PLCB4: variants seen among roughly 807,000 people sequenced by gnomAD.
PLCB4 encodes phospholipase C beta 4.
A neutral mutation model predicts 178.8 loss-of-function variants in PLCB4; 77 were observed. The ratio of observed to expected loss-of-function variants is 0.43; its 90% CI spans 0.36 to 0.52. The LOEUF (loss-of-function observed/expected upper bound fraction) is 0.52. PLCB4 is among the 20% of genes least tolerant of loss of function. PLCB4 has a pLI of 0.00. For missense variants in PLCB4, 1,024 were observed against 1,453.4 expected, an observed-to-expected ratio of 0.70 and a Z score of 4.80; for synonymous variants, 496 against 490.8, an observed-to-expected ratio of 1.01 and a Z score of -0.14.
At chr20:9,315,902 C>G (rs1282323023) in intron 4 of PLCB4, among the ~76,000 whole-genome samples, 1 of 151,778 alleles carries the variant, frequency 6.6e-6, no homozygotes, top group South Asian at 2.1e-4. Context: ...CACTACACTC[C>G]AGCACTCCAG....
At chr20:9,328,888 G>T (rs1254412045) in intron 4 of PLCB4, among the ~76,000 whole-genome samples, 2 of 152,182 alleles carry the variant, frequency 1.3e-5, no homozygotes, top group Non-Finnish European at 2.9e-5. Context: ...CACAGAAAGG[G>T]CTCCTGGAGA....
chr20:9,290,436 A>G (rs1601637109), intron 3 of PLCB4, among the ~76,000 whole-genome samples: 1 of 152,280 alleles, frequency 6.6e-6, no homozygotes, highest in East Asian at 1.9e-4. Flanking sequence ...GACCTTTGAT[A>G]TCCTTTCTAT....
intron 32 of PLCB4, among the ~76,000 whole-genome samples, chr20:9,446,503 G>A (rs2042422213): frequency 6.6e-6 from 1 of 152,182 alleles, no homozygotes; most frequent in Admixed American, 6.5e-5. Flanking sequence ...GAGCCATCAT[G>A]CCCGGCCCAA....
chr20:9,356,562 G>A (rs554172443), intron 7 of PLCB4, among the ~76,000 whole-genome samples: 5 of 152,256 alleles, frequency 3.3e-5, no homozygotes, highest in African/African-American at 9.6e-5. Context: ...TTCTATCTTA[G>A]ACAAGATTAG....
chr20:9,339,076 T>C (rs1252259035), intron 7 of PLCB4, 39 bp downstream of exon 7: 6 of 1,519,608 alleles, frequency 3.9e-6, no homozygotes, highest in East Asian at 2.3e-5. Context: ...TTCCCCACCA[T>C]GTATATATGT....
intron 2 of PLCB4, among the ~76,000 whole-genome samples, chr20:9,202,717 C>T (rs372205477): frequency 3.3e-5 from 5 of 152,052 alleles, no homozygotes; most frequent in African/African-American, 1.2e-4. Flanking sequence ...CCTGCAACTT[C>T]GAATTTGTAG....
chr20:9,375,932 A>G (rs2148323521), intron 12 of PLCB4, among the ~76,000 whole-genome samples: 1 of 152,230 alleles, frequency 6.6e-6, no homozygotes, highest in South Asian at 2.1e-4. Context: ...GCTGGTTCCT[A>G]CCACCTTCCA....
chr20:9,374,790 A>G (rs2036534433), intron 12 of PLCB4, among the ~76,000 whole-genome samples: 1 of 152,132 alleles, frequency 6.6e-6, no homozygotes. Context: ...CACTCCTGTA[A>G]TTCTTAGACA....
chr20:9,286,759 A>C (rs553914040), intron 3 of PLCB4, among the ~76,000 whole-genome samples: 1 of 152,190 alleles, frequency 6.6e-6, no homozygotes, highest in Admixed American at 6.5e-5. Flanking sequence ...AAGTCTACAG[A>C]GAACTAATGA....
chr20:9,411,640 C>G (rs959164504), intron 25 of PLCB4, among the ~76,000 whole-genome samples: 2 of 151,212 alleles, frequency 1.3e-5, no homozygotes, highest in Admixed American at 1.3e-4. Flanking sequence ...AACTGTGAAC[C>G]AAGAAGTGAA....
chr20:9,380,396 A>T (rs1312524013), intron 13 of PLCB4, among the ~76,000 whole-genome samples: 1 of 152,182 alleles, frequency 6.6e-6, no homozygotes, highest in African/African-American at 2.4e-5. Context: ...CATTATAGTG[A>T]TGTTTCCCCA....
chr20:9,282,875 G>T (rs2094506091), intron 3 of PLCB4, among the ~76,000 whole-genome samples: 1 of 151,980 alleles, frequency 6.6e-6, no homozygotes, highest in African/African-American at 2.4e-5. Context: ...TCTTCCAGTA[G>T]ATTGTCTTAA....
chr20:9,269,194 A>G (rs1431735047), intron 3 of PLCB4, among the ~76,000 whole-genome samples: 1 of 152,212 alleles, frequency 6.6e-6, no homozygotes, highest in Non-Finnish European at 1.5e-5. Flanking sequence ...GGATATATTT[A>G]AAGTCCACGG....
chr20:9,174,452 CTTTT>C (rs71184133), intron 2 of PLCB4, among the ~76,000 whole-genome samples: 1 of 141,416 alleles, frequency 7.1e-6, no homozygotes, highest in Admixed American at 7.1e-5. Flanking sequence ...GCCTATTCTT[CTTTT>C]TTTTTTTTTT....
At chr20:9,191,970 C>A (rs568928932) in intron 2 of PLCB4, among the ~76,000 whole-genome samples, 8 of 151,576 alleles carry the variant, frequency 5.3e-5, no homozygotes, top group Non-Finnish European at 8.8e-5. Context: ...TCTGCCAAAC[C>A]CTTCTGACTT....
At chr20:9,102,055 G>T (rs2091176951) in intron 2 of PLCB4, among the ~76,000 whole-genome samples, 1 of 152,166 alleles carries the variant, frequency 6.6e-6, no homozygotes, top group African/African-American at 2.4e-5. Context: ...ATGTTTGCCA[G>T]GCTGGTCTCG....
chr20:9,411,197 T>A (rs2039833195), intron 25 of PLCB4, 109 bp downstream of exon 25: 2 of 741,232 alleles, frequency 2.7e-6, no homozygotes, highest in East Asian at 5.1e-5. Flanking sequence ...AAGCTGGGTT[T>A]GAGGGATGGA....
intron 3 of PLCB4, among the ~76,000 whole-genome samples, chr20:9,299,790 T>C (rs897340710): frequency 1.3e-5 from 2 of 152,048 alleles, no homozygotes; most frequent in African/African-American, 4.8e-5. Flanking sequence ...CACATTTACA[T>C]AGGATAAATC....
chr20:9,358,697 C>T (rs1188269240), intron 7 of PLCB4, among the ~76,000 whole-genome samples: 1 of 152,108 alleles, frequency 6.6e-6, no homozygotes, highest in Non-Finnish European at 1.5e-5. Flanking sequence ...GAGTTCAACA[C>T]ACCCTGGCCG....
Sources: allele counts gnomAD v4.1 joint callset (sites outside exome capture counted in the v4.1 genomes callset), GRCh38; gene constraint gnomAD v4.1.1; transcripts MANE v1.5; gene names NCBI Gene and HGNC (gene_info 2026-07-23, HGNC 2026-07-21).